The following DNER variants were observed in gnomAD, a reference collection of about 807,000 sequenced individuals.
DNER encodes delta and Notch-like epidermal growth factor-related receptor.
DNER carries 33 observed loss-of-function variants against 78.2 expected under a neutral mutation model. That is an observed-to-expected ratio of 0.42 (90% CI 0.32 to 0.56). DNER has a LOEUF of 0.56. DNER is among the 20% of genes least tolerant of loss of function. The pLI, the probability that DNER is intolerant of heterozygous loss-of-function variation, is 0.11. For missense variants in DNER, 918 were observed against 975.3 expected, an observed-to-expected ratio of 0.94 and a Z score of 0.78; for synonymous variants, 417 against 384.8, an observed-to-expected ratio of 1.08 and a Z score of -0.98.
intron 8 of DNER, among the ~76,000 whole-genome samples, chr2:229,444,454 A>G (rs914366031): frequency 2.6e-5 from 4 of 152,162 alleles, no homozygotes; most frequent in Admixed American, 6.5e-5. Context: ...GCCTCTCCCA[A>G]TGTGGAAAGA....
chr2:229,551,805 G>A (rs1366810681), intron 4 of DNER, among the ~76,000 whole-genome samples: 1 of 150,386 alleles, frequency 6.6e-6, no homozygotes, highest in Non-Finnish European at 1.5e-5. Flanking sequence ...GGTGGTGGGT[G>A]CCTGTAATCC....
At chr2:229,629,364 A>G (rs1698397163) in intron 1 of DNER, among the ~76,000 whole-genome samples, 3 of 152,216 alleles carry the variant, frequency 2.0e-5, no homozygotes, top group Admixed American at 2.0e-4. Context: ...ATATGATTAG[A>G]CTTATATAGG....
chr2:229,463,418 A>G (rs1694742547), intron 7 of DNER, among the ~76,000 whole-genome samples: 1 of 152,182 alleles, frequency 6.6e-6, no homozygotes, highest in African/African-American at 2.4e-5. Flanking sequence ...ATGAATAATC[A>G]CTAGATCAAA....
chr2:229,567,413 C>T (rs1411289857), intron 4 of DNER, among the ~76,000 whole-genome samples: 1 of 152,142 alleles, frequency 6.6e-6, no homozygotes, highest in African/African-American at 2.4e-5. Context: ...TATGTGAACA[C>T]ACAAATACAA....
intron 1 of DNER, among the ~76,000 whole-genome samples, chr2:229,615,764 T>C (rs1056798827): frequency 6.7e-6 from 1 of 150,338 alleles, no homozygotes; most frequent in African/African-American, 2.5e-5. Flanking sequence ...ATTTCTGTAG[T>C]GGTCATCCCT....
At chr2:229,598,515 A>T (rs1267213540) in intron 1 of DNER, among the ~76,000 whole-genome samples, 1 of 152,114 alleles carries the variant, frequency 6.6e-6, no homozygotes, top group East Asian at 1.9e-4. Flanking sequence ...AGCTATTGGG[A>T]TCCTTTGTTT....
intron 11 of DNER, among the ~76,000 whole-genome samples, chr2:229,387,892 T>TG (rs34945149): frequency 0.1 from 6,075 of 58,612 alleles, 180 homozygotes; most frequent in East Asian, 0.16. Flanking sequence ...TGTGTGTGTG[T>TG]TTTTTAATTT....
At chr2:229,501,447 G>A (rs188296022) in intron 6 of DNER, among the ~76,000 whole-genome samples, 1 of 150,710 alleles carries the variant, frequency 6.6e-6, no homozygotes, top group Admixed American at 6.6e-5. Context: ...AAAAAATTTT[G>A]TACTGATACT....
intron 1 of DNER, among the ~76,000 whole-genome samples, chr2:229,652,087 T>A (rs1698829430): frequency 6.6e-6 from 1 of 152,200 alleles, no homozygotes; most frequent in South Asian, 2.1e-4. Context: ...ATTTACTTAA[T>A]GATAGAATCA....
At chr2:229,378,250 G>A (rs944171835) in intron 11 of DNER, among the ~76,000 whole-genome samples, 3 of 152,162 alleles carry the variant, frequency 2.0e-5, no homozygotes, top group African/African-American at 7.2e-5. Flanking sequence ...ACTGTAACGT[G>A]ATAGATCTGT....
intron 7 of DNER, among the ~76,000 whole-genome samples, chr2:229,473,873 G>C (rs1694979935): frequency 1.3e-5 from 2 of 152,170 alleles, no homozygotes; most frequent in Non-Finnish European, 2.9e-5. Context: ...CATGTCTGAT[G>C]TGAGAAACAT....
At chr2:229,648,785 C>A (rs544018146) in intron 1 of DNER, among the ~76,000 whole-genome samples, 1 of 152,328 alleles carries the variant, frequency 6.6e-6, no homozygotes, top group Non-Finnish European at 1.5e-5. Context: ...TATGACCTGA[C>A]ACATTGTTTC....
chr2:229,655,856 C>T lies in DNER; in HGVS notation c.276+58292G>A, dbSNP rs967950538. On this transcript the variant is annotated intron_variant, in intron 1 of 12. Transcript: ENST00000341772. The stretch of plus-strand genomic sequence containing the variant: ...GAGAAGAGAAGGGGTGGGTGGGAAA[C>T]AGACACAGCAACACAGGAAAGAAGG... 5.9e-5 allele frequency among the ~76,000 whole-genome samples: 9 copies of T among 152,106 alleles called. No homozygotes were observed. In the South Asian group the frequency reaches 1.5e-3, roughly 25 times the overall value.
intron 5 of DNER, among the ~76,000 whole-genome samples, chr2:229,541,039 C>T (rs1470514411): frequency 4.6e-5 from 7 of 152,176 alleles, no homozygotes; most frequent in African/African-American, 1.7e-4. Context: ...ATTACTAACT[C>T]CATGTGGACT....
intron 11 of DNER, among the ~76,000 whole-genome samples, chr2:229,380,941 AT>A (rs1431591143): frequency 2.0e-5 from 3 of 152,178 alleles, no homozygotes; most frequent in South Asian, 2.1e-4. Flanking sequence ...AAATAAAAAA[AT>A]AAAATAAAAT....
rs530230129 is a variant in DNER at position 229,513,105 on chromosome 2, TTTC to T, written c.994-172_994-170del. Among the ~76,000 whole-genome samples, 462 of 152,344 alleles carry T rather than the reference TTTC, an allele frequency of 3.0e-3. 3 individuals carry two copies. Among genetic ancestry groups the T allele is most frequent in the Non-Finnish European group, 4.7e-3 (320 of 68,028 alleles). The stretch of plus-strand genomic sequence containing the variant: ...ATCATCGCTTTAAGACAAACAGTAG[TTTC>T]TTTACAGTCTAATCTCAAACACGTT... On this transcript the variant is annotated intron_variant, in intron 5 of 12. Coordinates refer to ENST00000341772, the MANE Select transcript of DNER (RefSeq NM_139072.4).
At chr2:229,687,263 C>CTTTTTTTT (rs555202828) in intron 1 of DNER, among the ~76,000 whole-genome samples, 1 of 127,738 alleles carries the variant, frequency 7.8e-6, no homozygotes. Context: ...TTTCCAACTT[C>CTTTTTTTT]TTTTTTTTTT....
intron 1 of DNER, among the ~76,000 whole-genome samples, chr2:229,635,816 C>G (rs947800499): frequency 6.6e-6 from 1 of 151,970 alleles, no homozygotes; most frequent in African/African-American, 2.4e-5. Flanking sequence ...GTAACAAAAG[C>G]AAAACAAATA....
chr2:229,654,121 C>T (rs556284669), intron 1 of DNER, among the ~76,000 whole-genome samples: 2 of 152,076 alleles, frequency 1.3e-5, no homozygotes, highest in African/African-American at 2.4e-5. Context: ...CCACTCCCCC[C>T]ACCCCACCAC....
Sources: gnomAD v4.1 joint callset for allele counts (sites outside exome capture counted in the v4.1 genomes callset) on GRCh38, gnomAD v4.1.1 for gene constraint, MANE v1.5 for transcripts, NCBI Gene and HGNC (gene_info 2026-07-23, HGNC 2026-07-21) for gene names.